GRID2: variants seen among roughly 807,000 people sequenced by gnomAD.
The protein encoded by GRID2 is glutamate ionotropic receptor delta type subunit 2, also known as glutamate receptor ionotropic, delta-2.
GRID2 carries 33 observed loss-of-function variants against 114.8 expected under a neutral mutation model. The ratio of observed to expected loss-of-function variants is 0.29; its 90% CI spans 0.22 to 0.38. The LOEUF is 0.38. GRID2 is among the 10% of genes least tolerant of loss of function. The probability of loss-of-function intolerance (pLI) is 1.00; values close to 1 mark genes in which losing one functional copy is unlikely to be tolerated. For synonymous variants in GRID2, 505 were observed against 449.9 expected (o/e 1.12, Z -1.55); for missense variants, 1,184 against 1,257.7 (o/e 0.94, Z 0.89).
intron 8 of GRID2, among the ~76,000 whole-genome samples, chr4:93,370,392 CACACACAA>C: frequency 6.6e-6 from 1 of 151,256 alleles, no homozygotes; most frequent in African/African-American, 2.4e-5. Context: ...CACACACAAA[CACACACAA>C]ACACACACAC....
At chr4:93,327,442 A>G (rs1449150344) in intron 8 of GRID2, among the ~76,000 whole-genome samples, 2 of 147,956 alleles carry the variant, frequency 1.4e-5, no homozygotes, top group Non-Finnish European at 3.0e-5. Context: ...TCTAGTATCC[A>G]ATCCAGGAAC....
chr4:93,126,642 G>A (rs1458816401), intron 4 of GRID2, among the ~76,000 whole-genome samples: 2 of 114,244 alleles, frequency 1.8e-5, no homozygotes, highest in Non-Finnish European at 3.3e-5. Flanking sequence ...CTGTCACCCA[G>A]GCTGGAGTGC....
chr4:93,357,758 G>A (rs1761488273), intron 8 of GRID2, among the ~76,000 whole-genome samples: 1 of 151,496 alleles, frequency 6.6e-6, no homozygotes, highest in African/African-American at 2.4e-5. Flanking sequence ...TGTGAAATAG[G>A]AATCCAGCTT....
At chr4:93,768,426 T>C (rs997900483) in intron 14 of GRID2, among the ~76,000 whole-genome samples, 1 of 152,054 alleles carries the variant, frequency 6.6e-6, no homozygotes, top group Non-Finnish European at 1.5e-5. Context: ...AAACACACTT[T>C]AAAAAGCTGC....
chr4:92,886,557 TA>T (rs1264032554), intron 2 of GRID2, among the ~76,000 whole-genome samples: 4 of 152,082 alleles, frequency 2.6e-5, no homozygotes, highest in African/African-American at 9.7e-5. Flanking sequence ...AGAGAATCTT[TA>T]AATTTGAAAT....
intron 10 of GRID2, among the ~76,000 whole-genome samples, chr4:93,439,577 C>T (rs184053568): frequency 5.9e-4 from 90 of 152,070 alleles, no homozygotes; most frequent in African/African-American, 1.7e-3. Context: ...TAGGTATTTC[C>T]ATCACTTCCA....
chr4:93,458,851 G>A (rs573425438), intron 11 of GRID2, among the ~76,000 whole-genome samples: 157 of 152,216 alleles, frequency 1.0e-3, no homozygotes, highest in Non-Finnish European at 2.0e-3. Context: ...GAACTAGAAA[G>A]AGAAGGACCA....
At chr4:92,618,268 C>G (rs772696284) in intron 2 of GRID2, among the ~76,000 whole-genome samples, 1 of 151,668 alleles carries the variant, frequency 6.6e-6, no homozygotes, top group Non-Finnish European at 1.5e-5. Flanking sequence ...AAGAGATTGT[C>G]TCTGCCTTAA....
chr4:93,307,682 A>G (rs1755576628), intron 8 of GRID2, among the ~76,000 whole-genome samples: 2 of 152,150 alleles, frequency 1.3e-5, no homozygotes, highest in South Asian at 2.1e-4. Flanking sequence ...TACCCGAAAT[A>G]TAACTTAAAT....
intron 1 of GRID2, among the ~76,000 whole-genome samples, chr4:92,541,084 A>G (rs962676072): frequency 1.3e-5 from 2 of 151,984 alleles, no homozygotes; most frequent in African/African-American, 2.4e-5. Flanking sequence ...ATAGGTGGGA[A>G]TTGAACAATG....
intron 8 of GRID2, among the ~76,000 whole-genome samples, chr4:93,291,751 TTATG>T (rs753692774): frequency 2.0e-5 from 3 of 152,192 alleles, no homozygotes; most frequent in Non-Finnish European, 4.4e-5. Context: ...GTAAATTTGT[TTATG>T]TGTGTGCACG....
At chr4:93,009,664 T>A (rs1721920977) in intron 2 of GRID2, among the ~76,000 whole-genome samples, 1 of 152,116 alleles carries the variant, frequency 6.6e-6, no homozygotes, top group Non-Finnish European at 1.5e-5. Flanking sequence ...AGGAATTTTT[T>A]ATTGTTGTTT....
intron 2 of GRID2, among the ~76,000 whole-genome samples, chr4:93,012,750 T>C (rs1722309352): frequency 6.6e-6 from 1 of 152,034 alleles, no homozygotes; most frequent in Non-Finnish European, 1.5e-5. Flanking sequence ...TGCCTTTAAA[T>C]AGTTGGGTTC....
At chr4:93,080,684 T>C (rs1369398299) in intron 2 of GRID2, among the ~76,000 whole-genome samples, 4 of 152,222 alleles carry the variant, frequency 2.6e-5, no homozygotes, top group Non-Finnish European at 5.9e-5. Flanking sequence ...GTCATATACA[T>C]TCTCTGATCT....
chr4:93,455,746 T>A lies in GRID2; in HGVS notation c.1630T>A (p.Ser544Thr). Residue 544 changes from serine (S) to threonine (T), a missense_variant, in exon 11 of 16, where the codon TCA becomes ACA. Transcript: ENST00000282020. Reference protein sequence around the residue: ...VDFTTRYMDYSVGVLLRRAEK... With the variant: ...VDFTTRYMDYTVGVLLRRAEK... The stretch of plus-strand genomic sequence containing the variant: ...CTTTACGACACGTTACATGGACTAC[T>A]CAGTGGGGGTACTACTTCGAAGGGC... 1 of 1,611,102 alleles carries A rather than the reference T, an allele frequency of 6.2e-7. No individual in the cohort carries two copies. The highest frequency in any genetic ancestry group is 8.5e-7 in the Non-Finnish European group (1 of 1,177,286).
At chr4:93,308,673 G>A (rs1371709111) in intron 8 of GRID2, among the ~76,000 whole-genome samples, 1 of 152,208 alleles carries the variant, frequency 6.6e-6, no homozygotes, top group Non-Finnish European at 1.5e-5. Context: ...AATAGAATAA[G>A]TAGTCTGTGA....
intron 10 of GRID2, among the ~76,000 whole-genome samples, chr4:93,443,260 A>G (rs1220331396): frequency 6.6e-6 from 1 of 152,020 alleles, no homozygotes; most frequent in Non-Finnish European, 1.5e-5. Context: ...TCTAATTTAC[A>G]TAATTCCCTA....
intron 2 of GRID2, among the ~76,000 whole-genome samples, chr4:92,795,674 C>A (rs1369354434): frequency 6.6e-6 from 1 of 151,970 alleles, no homozygotes. Flanking sequence ...CTAGAAGTAT[C>A]CATGTCACAA....
chr4:93,154,733 G>T (rs568998265), intron 4 of GRID2, among the ~76,000 whole-genome samples: 2 of 150,482 alleles, frequency 1.3e-5, no homozygotes, highest in African/African-American at 2.4e-5. Flanking sequence ...CTCTGTATTC[G>T]TGGCAAAAAA....
Sources: allele counts gnomAD v4.1 joint callset (sites outside exome capture counted in the v4.1 genomes callset), GRCh38; gene constraint gnomAD v4.1.1; transcripts MANE v1.5; gene names NCBI Gene and HGNC (gene_info 2026-07-23, HGNC 2026-07-21).